CADM2: variants seen among roughly 807,000 people sequenced by gnomAD.
CADM2 encodes the protein cell adhesion molecule 2, also known as immunoglobulin superfamily member 4D.
In CADM2, 12 loss-of-function variants were observed where a neutral mutation model predicts 49.8. The observed-to-expected ratio is 0.24, with a 90% CI of 0.15 to 0.39. The LOEUF is 0.39. Ranked by LOEUF, CADM2 falls within the 10% of genes least tolerant of loss-of-function variation. CADM2 has a pLI of 1.00. For missense variants in CADM2, 378 were observed against 492.3 expected, an observed-to-expected ratio of 0.77 and a Z score of 2.20; for synonymous variants, 214 against 175.4, an observed-to-expected ratio of 1.22 and a Z score of -1.74.
chr3:85,161,656 A>C (rs1215884803), intron 1 of CADM2, among the ~76,000 whole-genome samples: 2 of 152,200 alleles, frequency 1.3e-5, no homozygotes, highest in Non-Finnish European at 2.9e-5. Context: ...AGAAAATATG[A>C]ATCATATGTT....
chr3:85,213,505 C>T (rs1376098283), intron 1 of CADM2, among the ~76,000 whole-genome samples: 1 of 152,016 alleles, frequency 6.6e-6, no homozygotes, highest in African/African-American at 2.4e-5. Flanking sequence ...TTTCTTCATC[C>T]TTGACCTTTG....
rs148950974 is a variant in CADM2 at position 85,115,303 on chromosome 3, G to T, written c.61+155635G>T. On this transcript the variant is annotated intron_variant, in intron 1 of 9. Transcript: ENST00000383699. ...GACCCTCAAGAGCAGCAGATGAATT[G>T]CTAATTAGAATTATCACTGTTGCCT... is the stretch of plus-strand genomic sequence containing the variant. 2.3e-3 allele frequency among the ~76,000 whole-genome samples: 344 copies of T among 152,274 alleles called. 3 individuals carry two copies. Among genetic ancestry groups the T allele is most frequent in the African/African-American group, 8.0e-3 (332 of 41,566 alleles).
intron 1 of CADM2, among the ~76,000 whole-genome samples, chr3:85,478,008 A>G (rs972868640): frequency 6.6e-6 from 1 of 151,984 alleles, no homozygotes; most frequent in Admixed American, 6.6e-5. Context: ...ACTGAACCTT[A>G]ACATGAGTTT....
intron 8 of CADM2, among the ~76,000 whole-genome samples, chr3:86,051,115 T>A (rs1737290138): frequency 2.0e-5 from 3 of 152,206 alleles, no homozygotes; most frequent in Admixed American, 2.0e-4. Flanking sequence ...CTTACACATA[T>A]GAGATAGGAT....
At chr3:85,841,645 G>A (rs931141361) in intron 3 of CADM2, among the ~76,000 whole-genome samples, 3 of 151,902 alleles carry the variant, frequency 2.0e-5, no homozygotes, top group Non-Finnish European at 4.4e-5. Context: ...TGGGGTGGAC[G>A]AGTAGTGGAC....
chr3:85,034,219 A>T (rs2107338210), intron 1 of CADM2, among the ~76,000 whole-genome samples: 1 of 152,202 alleles, frequency 6.6e-6, no homozygotes, highest in East Asian at 1.9e-4. Context: ...GCTAGGTCTT[A>T]TTCATTCTAT....
chr3:85,264,190 C>G (rs1021643186), intron 1 of CADM2, among the ~76,000 whole-genome samples: 7 of 152,112 alleles, frequency 4.6e-5, no homozygotes, highest in Admixed American at 4.6e-4. Context: ...TCAGCACAGA[C>G]TTTCCTATTA....
At position 85,740,583 on chromosome 3, in the gene CADM2, A is replaced by C. The variant is rs565670082; in HGVS notation, c.88+14035A>C. Among the ~76,000 whole-genome samples, 20 of 151,762 alleles carry C rather than the reference A, an allele frequency of 1.3e-4. No homozygotes were observed. The South Asian group carries it at 4.2e-3, about 32-fold the overall frequency. On this transcript the variant is annotated intron_variant, in intron 2 of 9. Transcript: ENST00000383699. The stretch of plus-strand genomic sequence containing the variant: ...TTTGCTTCTTTTTTTCTTTTCTTGC[A>C]ACTATAAAGAATATGAGGCCATAAT...
At chr3:85,534,448 A>G (rs1009477424) in intron 1 of CADM2, among the ~76,000 whole-genome samples, 1 of 152,196 alleles carries the variant, frequency 6.6e-6, no homozygotes, top group Non-Finnish European at 1.5e-5. Context: ...GGACAGCCCT[A>G]TTCTAGAGAT....
Position 85,802,160 on chromosome 3 carries a change from C to A in CADM2, c.202C>A (p.Pro68Thr). The A allele has an allele frequency of 1.2e-6, 2 of 1,612,886 alleles. No homozygotes were observed. Among genetic ancestry groups the A allele is most frequent in the Non-Finnish European group, 1.7e-6 (2 of 1,179,326 alleles). ...TAACACCTCCCTCCAGTGGTCAAAT[C>A]CAGCTCAACAGACTCTGTACTTTGA... ...NDNTSLQWSN[P>T]AQQTLYFDDK... Residue 68 changes from proline to threonine, a missense_variant, in exon 3 of 10, where the codon CCA (proline) becomes ACA (threonine). Pro to Thr is a conservative substitution (Grantham distance 38). Transcript: ENST00000383699.
chr3:85,297,009 T>G (rs2043981021), intron 1 of CADM2, among the ~76,000 whole-genome samples: 1 of 149,348 alleles, frequency 6.7e-6, no homozygotes, highest in South Asian at 2.1e-4. Flanking sequence ...TTTTTCTGTG[T>G]GCTTTATCCC....
intron 1 of CADM2, among the ~76,000 whole-genome samples, chr3:85,016,981 A>C (rs2034277829): frequency 6.6e-6 from 1 of 152,148 alleles, no homozygotes. Flanking sequence ...TGCTTGAAAT[A>C]AATGAAATCC....
chr3:85,282,627 C>T lies in CADM2; in HGVS notation c.61+322959C>T, dbSNP rs550697402. Among the ~76,000 whole-genome samples the T allele has an allele frequency of 9.2e-5, 14 of 151,660 alleles. No individual in the cohort carries two copies. In the South Asian group the frequency reaches 1.2e-3, roughly 14 times the overall value. On this transcript the variant is annotated intron_variant, in intron 1 of 9. Transcript: ENST00000383699. ...CTTATATAGATTTCGAGAGAATTAC[C>T]GTAGTAAAGAATATTTTATTTAGTC...
intron 3 of CADM2, among the ~76,000 whole-genome samples, chr3:85,863,584 A>G (rs140360473): frequency 1.2e-4 from 19 of 152,230 alleles, no homozygotes; most frequent in African/African-American, 4.6e-4. Context: ...CCCCAGGATA[A>G]TGCAGCACAA....
intron 1 of CADM2, among the ~76,000 whole-genome samples, chr3:85,061,333 C>A (rs889847509): frequency 3.3e-5 from 5 of 152,092 alleles, no homozygotes; most frequent in African/African-American, 1.2e-4. Flanking sequence ...GGCAAGGATG[C>A]ATGCAAATGG....
intron 1 of CADM2, among the ~76,000 whole-genome samples, chr3:85,569,715 G>GAAAAAAAAAAAAAAAAAAA (rs771004772): frequency 7.3e-6 from 1 of 136,966 alleles, no homozygotes; most frequent in Non-Finnish European, 1.6e-5. Flanking sequence ...AAAAAAAAAA[G>GAAAAAAAAAAAAAAAAAAA]AAAAAAAAAA....
At chr3:85,062,025 C>T (rs2036341985) in intron 1 of CADM2, among the ~76,000 whole-genome samples, 1 of 151,502 alleles carries the variant, frequency 6.6e-6, no homozygotes, top group Non-Finnish European at 1.5e-5. Context: ...GTCTCTCTGT[C>T]TCTGTCTCTC....
intron 1 of CADM2, among the ~76,000 whole-genome samples, chr3:85,725,632 GT>G (rs1313627108): frequency 2.6e-5 from 4 of 151,968 alleles, no homozygotes; most frequent in African/African-American, 9.7e-5. Flanking sequence ...GGACTGTCCT[GT>G]AGGACTGTTC....
At chr3:85,693,901 A>AAAAAAAG (rs1221497817) in intron 1 of CADM2, among the ~76,000 whole-genome samples, 1 of 151,120 alleles carries the variant, frequency 6.6e-6, no homozygotes, top group African/African-American at 2.4e-5. Flanking sequence ...CTCTAAAAAA[A>AAAAAAAG]AAAAAAGAAA....
Sources: gnomAD v4.1 joint callset for allele counts (sites outside exome capture counted in the v4.1 genomes callset) on GRCh38, gnomAD v4.1.1 for gene constraint, MANE v1.5 for transcripts, NCBI Gene and HGNC (gene_info 2026-07-23, HGNC 2026-07-21) for gene names.